ANXA6: variants seen among roughly 807,000 people sequenced by gnomAD.
The protein encoded by ANXA6 is 67 kDa calelectrin.
ANXA6 carries 71 observed loss-of-function variants against 95.4 expected under a neutral mutation model. The observed-to-expected ratio is 0.74, with a 90% CI of 0.61 to 0.91. ANXA6 has a LOEUF of 0.91. Among genes scored for constraint, ANXA6 ranks in the 40% least tolerant of loss-of-function variants. The pLI, the probability that ANXA6 is intolerant of heterozygous loss-of-function variation, is 0.00. For synonymous variants in ANXA6, 289 were observed against 315.9 expected (o/e 0.91, Z 0.90); for missense variants, 830 against 876.4 (o/e 0.95, Z 0.67).
chr5:151,111,152 A>T (rs1283629989), intron 20 of ANXA6, among the ~76,000 whole-genome samples: 1 of 152,202 alleles, frequency 6.6e-6, no homozygotes, highest in East Asian at 1.9e-4. Context: ...CTGAGGCCTT[A>T]AGGGGAGCTG....
At chr5:151,136,814 C>T (rs1278134864) in intron 6 of ANXA6, among the ~76,000 whole-genome samples, 1 of 152,224 alleles carries the variant, frequency 6.6e-6, no homozygotes. Context: ...AGGGCCTTTG[C>T]ACTTGCCGTG....
intron 19 of ANXA6, 131 bp from the exon 20 acceptor site, chr5:151,117,311 C>T (rs111715284): frequency 5.8e-6 from 5 of 863,534 alleles, no homozygotes; most frequent in African/African-American, 5.2e-5. Flanking sequence ...GACGAAAATC[C>T]TGCCTCTATA....
intron 14 of ANXA6, among the ~76,000 whole-genome samples, chr5:151,125,025 G>T (rs1019417574): frequency 6.6e-6 from 1 of 152,190 alleles, no homozygotes; most frequent in African/African-American, 2.4e-5. Flanking sequence ...CTACAACAGT[G>T]TCTGACATAA....
rs1466206990 is a variant in ANXA6, at chr5:151,139,386, C to G, written c.171G>C (p.Glu57Asp). 1.2e-6 allele frequency: 2 copies of G among 1,613,322 alleles called. No individual in the cohort carries two copies. The highest frequency in any genetic ancestry group is 4.5e-5 in the East Asian group (2 of 44,870). ...ITSRSNRQRQ[E>D]VCQSYKSLYG... ...AGAGGGACTTGTAGCTCTGGCAGACCTCCTGCCTCTGCCTGTTGCTCCGTG... is the reference window on the plus strand; with the variant it reads ...AGAGGGACTTGTAGCTCTGGCAGACGTCCTGCCTCTGCCTGTTGCTCCGTG... The change falls in exon 4 of 26, where the codon GAG (glutamate) becomes GAC (aspartate). Residue 57 changes from glutamate to aspartate, a missense_variant. Transcript: ENST00000354546.
chr5:151,146,106 T>C (rs1427429326), intron 2 of ANXA6, among the ~76,000 whole-genome samples: 1 of 152,118 alleles, frequency 6.6e-6, no homozygotes, highest in Non-Finnish European at 1.5e-5. Context: ...TGAACCCTAG[T>C]CCATGGCAAC....
chr5:151,135,894 T>G (rs1047355000), intron 7 of ANXA6, among the ~76,000 whole-genome samples: 2 of 152,188 alleles, frequency 1.3e-5, no homozygotes, highest in African/African-American at 2.4e-5. Flanking sequence ...ATAGTCTCTT[T>G]GTGATATACT....
At chr5:151,130,916 C>T (rs918504498) in intron 11 of ANXA6, among the ~76,000 whole-genome samples, 6 of 152,250 alleles carry the variant, frequency 3.9e-5, no homozygotes, top group Admixed American at 6.5e-5. Flanking sequence ...TGCCTACATA[C>T]GCTGTATAAA....
chr5:151,105,062 G>C (rs2113891041), intron 24 of ANXA6, among the ~76,000 whole-genome samples, 183 bp downstream of exon 24: 1 of 152,338 alleles, frequency 6.6e-6, no homozygotes, highest in South Asian at 2.1e-4. Context: ...GGGAAGGCGG[G>C]GGAAATCACC....
rs756811700 is a variant in ANXA6 at position 151,119,324 on chromosome 5, C to T, written c.1414G>A (p.Ala472Thr). The T allele has an allele frequency of 4.3e-6, 7 of 1,613,306 alleles. No individual in the cohort carries two copies. The highest frequency in any genetic ancestry group is 3.4e-6 in the Non-Finnish European group (4 of 1,179,868). Residue 472 changes from alanine (A) to threonine (T), a missense_variant, in exon 18 of 26, where the codon GCC (alanine) becomes ACC (threonine). Transcript: ENST00000354546. ...LATRTNAEIR[A>T]INEAYKEDYH... ...CCCTCCTTATAGGCCTCATTGATGG[C>T]CCGGATTTCAGCATTGGTCCGAGTG...
chr5:151,111,546 G>A (rs1764849873), intron 20 of ANXA6, among the ~76,000 whole-genome samples: 1 of 152,298 alleles, frequency 6.6e-6, no homozygotes, highest in Middle Eastern at 3.4e-3. Context: ...CAGGTATACT[G>A]GCAAAAGCCT....
chr5:151,117,642 C>A (rs1433241883), intron 19 of ANXA6, 116 bp downstream of exon 19: 2 of 867,600 alleles, frequency 2.3e-6, no homozygotes, highest in African/African-American at 1.7e-5. Flanking sequence ...GGGGAGACAC[C>A]CCCTCTCCAT....
intron 11 of ANXA6, among the ~76,000 whole-genome samples, chr5:151,130,267 C>G (rs1765458718): frequency 6.6e-6 from 1 of 151,230 alleles, no homozygotes; most frequent in Admixed American, 6.6e-5. Flanking sequence ...CAGGGTCTCA[C>G]TCTGTTGTCC....
intron 5 of ANXA6, among the ~76,000 whole-genome samples, chr5:151,137,689 C>T (rs1765707819): frequency 6.6e-6 from 1 of 152,172 alleles, no homozygotes; most frequent in African/African-American, 2.4e-5. Flanking sequence ...CACTTCCCCA[C>T]CTCCCGCCTT....
chr5:151,137,193 AT>A, intron 6 of ANXA6, 37 bp downstream of exon 6: 1 of 1,550,692 alleles, frequency 6.4e-7, no homozygotes, highest in African/African-American at 1.4e-5. Context: ...CTCATTTTGT[AT>A]CTGAAGATCC....
At position 151,129,516 on chromosome 5, in the gene ANXA6, C is replaced by G. The variant is rs374143469; in HGVS notation, c.809G>C (p.Arg270Pro). The G allele has an allele frequency of 1.8e-5, 29 of 1,604,692 alleles. No homozygotes were observed. The highest frequency in any genetic ancestry group is 2.5e-5 in the Non-Finnish European group (29 of 1,175,728). Residue 270 changes from arginine (R) to proline (P), a missense_variant, in exon 12 of 26, where the codon CGG becomes CCG. Physicochemically the swap from Arg to Pro is moderately radical, Grantham distance 103 (BLOSUM62 -2). Transcript: ENST00000354546. ...CATGATGCGGATCAGGGTGTTGTCCCGAGTCCCCAGGCCCTGCAAGACAAG... is the reference window on the plus strand; with the variant it reads ...CATGATGCGGATCAGGGTGTTGTCCGGAGTCCCCAGGCCCTGCAAGACAAG... ...LFKAMKGLGT[R>P]DNTLIRIMVS...
At chr5:151,153,812 G>T (rs1175652968) in intron 1 of ANXA6, among the ~76,000 whole-genome samples, 1 of 152,104 alleles carries the variant, frequency 6.6e-6, no homozygotes, top group East Asian at 1.9e-4. Flanking sequence ...TGTGTCTTTT[G>T]AGCTGGTTAT....
chr5:151,119,436 C>T (rs1359059493), intron 17 of ANXA6, 46 bp from the exon 18 acceptor site: 3 of 1,547,860 alleles, frequency 1.9e-6, no homozygotes, highest in East Asian at 4.5e-5. Flanking sequence ...TTCTGACCTC[C>T]TGTGCAGAGG....
At chr5:151,152,948 G>A (rs1361086777) in intron 1 of ANXA6, among the ~76,000 whole-genome samples, 1 of 152,124 alleles carries the variant, frequency 6.6e-6, no homozygotes, top group Non-Finnish European at 1.5e-5. Flanking sequence ...GGTGTGGTGG[G>A]AGGGTGATTT....
At chr5:151,141,690 C>T (rs557554474) in intron 2 of ANXA6, 21 of 985,508 alleles carry the variant, frequency 2.1e-5, no homozygotes, top group African/African-American at 1.7e-4. Flanking sequence ...GGTATGCATG[C>T]GTCGGCGTGG....
Sources: allele counts gnomAD v4.1 joint callset (sites outside exome capture counted in the v4.1 genomes callset), GRCh38; gene constraint gnomAD v4.1.1; transcripts MANE v1.5; gene names NCBI Gene and HGNC (gene_info 2026-07-23, HGNC 2026-07-21).